MTUS2: variants seen among roughly 807,000 people sequenced by gnomAD.
MTUS2 encodes the protein microtubule-associated tumor suppressor candidate 2.
MTUS2 carries 40 observed loss-of-function variants against 114.1 expected under a neutral mutation model. The ratio of observed to expected loss-of-function variants is 0.35; its 90% CI spans 0.27 to 0.46. MTUS2 has a LOEUF of 0.46. MTUS2 is among the 20% of genes least tolerant of loss of function. The pLI is 1.00. For synonymous variants in MTUS2, 688 were observed against 672.0 expected (o/e 1.02, Z -0.37); for missense variants, 1,679 against 1,705.4 (o/e 0.98, Z 0.27).
chr13:29,064,085 G>A (rs1888543346), intron 4 of MTUS2, among the ~76,000 whole-genome samples: 1 of 152,192 alleles, frequency 6.6e-6, no homozygotes, highest in African/African-American at 2.4e-5. Flanking sequence ...GGGATGTGTT[G>A]TGGAAAAGTG....
Position 28,825,141 on chromosome 13 carries a change from T to G in MTUS2, c.-316+4530T>G, listed in dbSNP as rs181380308. The stretch of plus-strand genomic sequence containing the variant: ...CTGAGGCTGCCCACGAACACTGGTG[T>G]TGTTCTTGGGGCCTTAGTGGTATGG... On this transcript the variant is annotated intron_variant, in intron 1 of 15. Coordinates refer to ENST00000612955, the MANE Select transcript of MTUS2 (RefSeq NM_001033602.4). 1.1e-3 allele frequency among the ~76,000 whole-genome samples: 170 copies of G among 152,208 alleles called. 1 individual carries two copies. Among genetic ancestry groups the G allele is most frequent in the African/African-American group, 3.7e-3 (154 of 41,546 alleles).
intron 9 of MTUS2, among the ~76,000 whole-genome samples, chr13:29,464,595 G>A (rs1284687091): frequency 6.6e-6 from 1 of 152,214 alleles, no homozygotes; most frequent in African/African-American, 2.4e-5. Context: ...CTAGGGCCTT[G>A]TGATTCCAAG....
In MTUS2 at chr13:28,984,792, C is replaced by T. The variant is rs947196653; in HGVS notation, c.-242-39665C>T. 3.9e-5 allele frequency among the ~76,000 whole-genome samples: 6 copies of T among 152,212 alleles called. 1 individual carries two copies. Among genetic ancestry groups the T allele is most frequent in the Admixed American group, 1.3e-4 (2 of 15,282 alleles). ...CATTCCTAAGGAAGGGCTAGGGCAGCGCCCTGTATCAGATACGTTATTTCT... is the reference window on the plus strand; with the variant it reads ...CATTCCTAAGGAAGGGCTAGGGCAGTGCCCTGTATCAGATACGTTATTTCT... On this transcript the variant is annotated intron_variant, in intron 2 of 15. Coordinates refer to ENST00000612955, the MANE Select transcript of MTUS2 (RefSeq NM_001033602.4).
chr13:29,427,225 G>A (rs370718037), intron 8 of MTUS2, among the ~76,000 whole-genome samples: 3 of 152,146 alleles, frequency 2.0e-5, no homozygotes, highest in Non-Finnish European at 2.9e-5. Context: ...CTTAAGGGTC[G>A]GCTGCTATTC....
intron 10 of MTUS2, among the ~76,000 whole-genome samples, chr13:29,481,519 A>C (rs1881173639): frequency 6.6e-6 from 1 of 152,120 alleles, no homozygotes; most frequent in African/African-American, 2.4e-5. Flanking sequence ...ATTTGTGAAG[A>C]GCACCCTTTA....
intron 5 of MTUS2, among the ~76,000 whole-genome samples, chr13:29,234,862 T>A (rs919550690): frequency 5.9e-5 from 9 of 152,148 alleles, no homozygotes; most frequent in Admixed American, 3.3e-4. Flanking sequence ...GTTACCACTT[T>A]TTTTTTATTA....
rs186145305 is a variant in MTUS2 at position 29,339,032 on chromosome 13, G to A, written c.2905+14321G>A. On this transcript the variant is annotated intron_variant, in intron 7 of 15. Transcript: ENST00000612955. ...AAACAAGGGTCAATAGGATGAGGCA[G>A]TCTGGAGGCTCAGGAGAAGGTGGCA... Among the ~76,000 whole-genome samples the A allele has an allele frequency of 2.9e-4, 44 of 152,308 alleles. No homozygotes were observed. In the East Asian group the frequency reaches 8.5e-3, roughly 29 times the overall value.
At chr13:29,324,361 C>T (rs573058549) in intron 6 of MTUS2, among the ~76,000 whole-genome samples, 3 of 152,232 alleles carry the variant, frequency 2.0e-5, no homozygotes, top group Non-Finnish European at 2.9e-5. Flanking sequence ...GAGAAGGGGG[C>T]GTTTTTCATC....
intron 5 of MTUS2, among the ~76,000 whole-genome samples, chr13:29,162,531 G>C (rs957420470): frequency 1.7e-4 from 26 of 152,152 alleles, no homozygotes; most frequent in African/African-American, 6.3e-4. Context: ...AGTACATGTG[G>C]ACATGTCAAC....
intron 5 of MTUS2, among the ~76,000 whole-genome samples, chr13:29,103,857 C>G (rs1000858552): frequency 4.6e-5 from 7 of 152,212 alleles, no homozygotes; most frequent in African/African-American, 1.7e-4. Context: ...TATTAACAGT[C>G]TAAACAATGT....
chr13:29,014,933 G>A (rs1416324840), intron 2 of MTUS2, among the ~76,000 whole-genome samples: 1 of 152,224 alleles, frequency 6.6e-6, no homozygotes, highest in Non-Finnish European at 1.5e-5. Flanking sequence ...CATTCTGCAT[G>A]GACTCTTCTT....
chr13:29,300,469 C>T (rs773853853), intron 6 of MTUS2, among the ~76,000 whole-genome samples: 1 of 152,132 alleles, frequency 6.6e-6, no homozygotes, highest in African/African-American at 2.4e-5. Flanking sequence ...TGATTTTCAA[C>T]ATTTGTATGT....
chr13:29,482,415 A>T (rs142497492), intron 10 of MTUS2: 25 of 152,356 alleles, frequency 1.6e-4, no homozygotes, highest in African/African-American at 6.0e-4. Context: ...TGACTTTTCC[A>T]CACGAAAATG....
intron 2 of MTUS2, among the ~76,000 whole-genome samples, chr13:28,950,382 T>C (rs73439440): frequency 0.055 from 8,374 of 152,290 alleles, 783 homozygotes; most frequent in African/African-American, 0.19. Flanking sequence ...CAAATGTTTT[T>C]TCCCATTCAA....
chr13:29,323,503 G>A (rs1256476163), intron 6 of MTUS2, among the ~76,000 whole-genome samples: 1 of 152,102 alleles, frequency 6.6e-6, no homozygotes, highest in Non-Finnish European at 1.5e-5. Flanking sequence ...GCCTGCCTCG[G>A]CCTCCCAAAG....
At chr13:29,167,418 CT>C (rs1261878745) in intron 5 of MTUS2, among the ~76,000 whole-genome samples, 1 of 24,776 alleles carries the variant, frequency 4.0e-5, no homozygotes, top group East Asian at 8.2e-4. Flanking sequence ...CCACTTTTTT[CT>C]TTCTTTTTTT....
intron 4 of MTUS2, among the ~76,000 whole-genome samples, chr13:29,098,470 G>A (rs565588590): frequency 2.8e-3 from 273 of 98,828 alleles, no homozygotes; most frequent in African/African-American, 8.9e-3. Context: ...ACACACACAT[G>A]TGCGTGCATG....
At chr13:28,897,737 T>A (rs1009781448) in intron 2 of MTUS2, among the ~76,000 whole-genome samples, 20 of 152,008 alleles carry the variant, frequency 1.3e-4, no homozygotes, top group Admixed American at 1.3e-4. Flanking sequence ...AAATGATGAG[T>A]TCATGTCCTT....
intron 7 of MTUS2, among the ~76,000 whole-genome samples, chr13:29,351,861 C>T (rs1288008283): frequency 3.9e-5 from 6 of 151,948 alleles, no homozygotes; most frequent in Non-Finnish European, 7.4e-5. Context: ...GCCATCGTCC[C>T]GCCTTGGCCT....
Sources: allele counts gnomAD v4.1 joint callset (sites outside exome capture counted in the v4.1 genomes callset), GRCh38; gene constraint gnomAD v4.1.1; transcripts MANE v1.5; gene names NCBI Gene and HGNC (gene_info 2026-07-23, HGNC 2026-07-21).